Variants in CATSPERT observed in about 807,000 individuals in gnomAD.
CATSPERT encodes the protein cation channel sperm-associated targeting subunit tau.
At chr2:201,509,442 A>G in the CATSPERT span, among the ~76,000 whole-genome samples, 3 of 150,680 alleles carry the variant, frequency 2.0e-5, no homozygotes, top group African/African-American at 7.5e-5. Context: ...TTTTTACTCT[A>G]TTGTTTCCTT....
the CATSPERT span, chr2:201,601,786 T>G: frequency 6.2e-7 from 1 of 1,612,386 alleles, no homozygotes; most frequent in East Asian, 2.2e-5. Context: ...ACAGTGTTCT[T>G]CTCATCGTTT....
At chr2:201,507,853 A>G in the CATSPERT span, among the ~76,000 whole-genome samples, 1 of 152,194 alleles carries the variant, frequency 6.6e-6, no homozygotes, top group East Asian at 1.9e-4. Context: ...CCTTCTTCAC[A>G]TGGTGGCAGG....
At chr2:201,504,997 C>T in the CATSPERT span, among the ~76,000 whole-genome samples, 2 of 152,236 alleles carry the variant, frequency 1.3e-5, no homozygotes, top group African/African-American at 4.8e-5. Context: ...CTGTAAACAC[C>T]CATATCCAGT....
chr2:201,529,196 C>T, the CATSPERT span, among the ~76,000 whole-genome samples: 16 of 152,154 alleles, frequency 1.1e-4, no homozygotes, highest in South Asian at 3.3e-3. Context: ...CAGATTCAAT[C>T]CAATTCCCAC....
At chr2:201,531,122 A>C in the CATSPERT span, among the ~76,000 whole-genome samples, 3 of 151,440 alleles carry the variant, frequency 2.0e-5, no homozygotes, top group East Asian at 5.8e-4. Flanking sequence ...CACCACGCCC[A>C]GCTAATTTTT....
At chr2:201,583,657 T>C in the CATSPERT span, among the ~76,000 whole-genome samples, 1 of 152,158 alleles carries the variant, frequency 6.6e-6, no homozygotes, top group African/African-American at 2.4e-5. Flanking sequence ...GAAACACAAA[T>C]CTTGCGTAGA....
At chr2:201,609,084 T>TA in the CATSPERT span, among the ~76,000 whole-genome samples, 2 of 151,836 alleles carry the variant, frequency 1.3e-5, no homozygotes, top group African/African-American at 4.8e-5. Flanking sequence ...AGAGACAATT[T>TA]AAAAAAAGGT....
At chr2:201,492,636 A>C in the CATSPERT span, 3 of 1,527,044 alleles carry the variant, frequency 2.0e-6, no homozygotes, top group Non-Finnish European at 2.6e-6. Flanking sequence ...AGTTTTGGAG[A>C]ATCTCTTTTA....
At chr2:201,513,512 G>A in the CATSPERT span, among the ~76,000 whole-genome samples, 3 of 152,170 alleles carry the variant, frequency 2.0e-5, no homozygotes, top group African/African-American at 7.2e-5. Flanking sequence ...GCTGTGGAAA[G>A]CACTTTAGGA....
chr2:201,565,484 A>G, the CATSPERT span, among the ~76,000 whole-genome samples: 1 of 152,082 alleles, frequency 6.6e-6, no homozygotes, highest in Non-Finnish European at 1.5e-5. Flanking sequence ...CACTGTTTCA[A>G]AAAATAAAAA....
At chr2:201,595,636 G>A in the CATSPERT span, among the ~76,000 whole-genome samples, 53 of 151,586 alleles carry the variant, frequency 3.5e-4, no homozygotes, top group Admixed American at 2.9e-3. Context: ...TGAGGATGCA[G>A]TCTGCCCGTT....
chr2:201,539,572 T>G, the CATSPERT span, among the ~76,000 whole-genome samples: 78,724 of 132,716 alleles, frequency 0.59, 25,341 homozygotes, highest in East Asian at 0.95. Context: ...TTTTTTTTTG[T>G]TTTTGGTTTT....
At chr2:201,609,238 T>A in the CATSPERT span, among the ~76,000 whole-genome samples, 2 of 152,164 alleles carry the variant, frequency 1.3e-5, no homozygotes, top group African/African-American at 4.8e-5. Flanking sequence ...AATACAATAA[T>A]ATCTGGGGAC....
At chr2:201,491,082 C>T in the CATSPERT span, 3 of 1,144,102 alleles carry the variant, frequency 2.6e-6, no homozygotes, top group South Asian at 5.1e-5. Context: ...AGGTTATACA[C>T]ACAGTTGGAT....
chr2:201,506,934 C>T, the CATSPERT span, among the ~76,000 whole-genome samples: 1 of 152,202 alleles, frequency 6.6e-6, no homozygotes, highest in Non-Finnish European at 1.5e-5. Context: ...CTACCTCATG[C>T]ATTGCACTTA....
At chr2:201,618,550 G>A in the CATSPERT span, among the ~76,000 whole-genome samples, 1 of 130,208 alleles carries the variant, frequency 7.7e-6, no homozygotes, top group East Asian at 2.7e-4. Context: ...CACACACCAC[G>A]GCCTGTCGTG....
chr2:201,591,531 G>T, the CATSPERT span, among the ~76,000 whole-genome samples: 5 of 151,666 alleles, frequency 3.3e-5, no homozygotes, highest in South Asian at 2.1e-4. Flanking sequence ...GAAAGTCATT[G>T]GTAGCTTGAT....
chr2:201,508,026 T>C, the CATSPERT span, among the ~76,000 whole-genome samples: 1 of 152,154 alleles, frequency 6.6e-6, no homozygotes, highest in Non-Finnish European at 1.5e-5. Context: ...CAAGATGAGA[T>C]TTGGGTGGGA....
the CATSPERT span, chr2:201,545,747 C>T: frequency 5.8e-6 from 3 of 516,880 alleles, no homozygotes; most frequent in Non-Finnish European, 9.3e-6. Context: ...TTCCTCCACA[C>T]CCAAATTTAC....
Sources: gnomAD v4.1 joint callset for allele counts (sites outside exome capture counted in the v4.1 genomes callset) on GRCh38, gnomAD v4.1.1 for gene constraint, MANE v1.5 for transcripts, NCBI Gene and HGNC (gene_info 2026-07-23, HGNC 2026-07-21) for gene names.